The following COG5 variants were observed in gnomAD, a reference collection of about 807,000 sequenced individuals.
The protein encoded by COG5 is conserved oligomeric Golgi complex subunit 5.
In COG5, 86 loss-of-function variants were observed where a neutral mutation model predicts 110.4. The observed-to-expected ratio is 0.78, with a 90% CI of 0.65 to 0.93. The LOEUF is 0.93. Among genes scored for constraint, COG5 ranks in the 40% least tolerant of loss-of-function variants. The pLI is 0.00. For missense variants in COG5, 1,077 were observed against 987.0 expected (o/e 1.09, Z -1.22); for synonymous variants, 360 against 334.6 (o/e 1.08, Z -0.83).
intron 14 of COG5, among the ~76,000 whole-genome samples, chr7:107,274,479 C>T (rs1016017409): frequency 4.6e-5 from 7 of 152,016 alleles, no homozygotes; most frequent in South Asian, 4.1e-4. Context: ...GTGAGACTTA[C>T]GGGAATATTT....
intron 12 of COG5, among the ~76,000 whole-genome samples, chr7:107,297,443 C>A (rs994310442): frequency 1.3e-5 from 1 of 77,988 alleles, no homozygotes; most frequent in South Asian, 5.1e-4. Context: ...TACATTCTGC[C>A]TTTTTTTTTT....
chr7:107,386,294 C>T (rs920878588), intron 7 of COG5, among the ~76,000 whole-genome samples: 2 of 150,764 alleles, frequency 1.3e-5, no homozygotes, highest in Non-Finnish European at 1.5e-5. Context: ...GAGTCGGGGC[C>T]GGGGTTGCAA....
At chr7:107,383,266 C>T (rs1584755077) in intron 7 of COG5, among the ~76,000 whole-genome samples, 1 of 152,252 alleles carries the variant, frequency 6.6e-6, no homozygotes, top group East Asian at 1.9e-4. Context: ...CTCCGAGACA[C>T]ATTTTTGTCC....
At chr7:107,558,552 C>G (rs982611160) in intron 1 of COG5, among the ~76,000 whole-genome samples, 1 of 148,590 alleles carries the variant, frequency 6.7e-6, no homozygotes, top group Non-Finnish European at 1.5e-5. Context: ...TGCAGTGAGC[C>G]GAGATCGTGC....
chr7:107,390,601 G>A (rs904416227), intron 7 of COG5, among the ~76,000 whole-genome samples: 17 of 151,548 alleles, frequency 1.1e-4, no homozygotes, highest in Admixed American at 6.6e-5. Context: ...TAAAATTTTA[G>A]AATCTGTTCA....
At chr7:107,369,923 T>C (rs1813976660) in intron 8 of COG5, among the ~76,000 whole-genome samples, 1 of 152,140 alleles carries the variant, frequency 6.6e-6, no homozygotes. Flanking sequence ...TAATAACTAG[T>C]TCATCCTCCA....
At chr7:107,238,156 C>T (rs1801344712) in intron 17 of COG5, among the ~76,000 whole-genome samples, 1 of 152,116 alleles carries the variant, frequency 6.6e-6, no homozygotes, top group African/African-American at 2.4e-5. Flanking sequence ...TCTCTATTCC[C>T]TCCACCCCAT....
chr7:107,300,538 A>C (rs1807169085), intron 11 of COG5, among the ~76,000 whole-genome samples: 1 of 152,196 alleles, frequency 6.6e-6, no homozygotes, highest in Non-Finnish European at 1.5e-5. Context: ...CTAGCAATGA[A>C]CAATCAGAAG....
chr7:107,295,094 TATATATA>T lies in COG5; in HGVS notation c.1313+3041_1313+3047del, dbSNP rs1224168960. On this transcript the variant is annotated intron_variant, in intron 12 of 21. Coordinates refer to ENST00000297135, the MANE Select transcript of COG5 (RefSeq NM_006348.5). ...ATATATATATATATATATATATATA[TATATATA>T]TTTTTTTTTTTTTTTTGTAGAGTCA... Among the ~76,000 whole-genome samples the T allele has an allele frequency of 2.6e-3, 202 of 77,440 alleles. 3 individuals are homozygous for T. Among genetic ancestry groups the T allele is most frequent in the African/African-American group, 9.2e-3 (183 of 19,878 alleles). The allele number at this position is 77,440 out of a possible 152,430, so 50.8% of individuals were successfully genotyped here. A position where few individuals can be genotyped will look rare whatever the true frequency, so the allele number is the denominator to read the frequency against.
At chr7:107,409,784 G>A (rs1015602907) in intron 7 of COG5, among the ~76,000 whole-genome samples, 1 of 152,160 alleles carries the variant, frequency 6.6e-6, no homozygotes, top group Non-Finnish European at 1.5e-5. Context: ...TTTGCATGAA[G>A]TCAAAAACAT....
intron 10 of COG5, among the ~76,000 whole-genome samples, chr7:107,351,024 TAG>T (rs765123604): frequency 5.3e-5 from 8 of 152,182 alleles, no homozygotes; most frequent in Non-Finnish European, 1.0e-4. Flanking sequence ...CTAATTTATG[TAG>T]AATTTGTATG....
intron 12 of COG5, among the ~76,000 whole-genome samples, chr7:107,285,129 C>T (rs774378012): frequency 2.0e-5 from 3 of 152,128 alleles, no homozygotes; most frequent in African/African-American, 7.2e-5. Flanking sequence ...TTGTAAAGTG[C>T]TGGGAAGATA....
At chr7:107,430,616 T>G (rs548144096) in intron 6 of COG5, among the ~76,000 whole-genome samples, 1 of 152,292 alleles carries the variant, frequency 6.6e-6, no homozygotes, top group Admixed American at 6.5e-5. Context: ...CAGTATGAAT[T>G]TTAGGATCAT....
intron 10 of COG5, among the ~76,000 whole-genome samples, chr7:107,355,283 G>T (rs1345861168): frequency 2.0e-5 from 3 of 152,140 alleles, no homozygotes; most frequent in Admixed American, 2.0e-4. Flanking sequence ...GCAAGGATGG[G>T]GAACAAAAGT....
At chr7:107,423,978 T>A (rs528291431) in intron 6 of COG5, among the ~76,000 whole-genome samples, 1 of 152,262 alleles carries the variant, frequency 6.6e-6, no homozygotes, top group Non-Finnish European at 1.5e-5. Context: ...CAAAGTAGAA[T>A]GTAGGTTAGT....
chr7:107,315,135 C>T (rs1180185268), intron 11 of COG5, among the ~76,000 whole-genome samples: 1 of 150,960 alleles, frequency 6.6e-6, no homozygotes, highest in Non-Finnish European at 1.5e-5. Flanking sequence ...ACAATATGAT[C>T]TCAACTTGCA....
At chr7:107,220,255 C>G (rs1282811257) in intron 19 of COG5, among the ~76,000 whole-genome samples, 1 of 152,154 alleles carries the variant, frequency 6.6e-6, no homozygotes. Flanking sequence ...ACAGAAAAAC[C>G]TATCTGAGAA....
intron 19 of COG5, among the ~76,000 whole-genome samples, chr7:107,220,480 C>G (rs1232845032): frequency 6.6e-6 from 1 of 152,232 alleles, no homozygotes; most frequent in East Asian, 1.9e-4. Context: ...GAAACTGACT[C>G]TGGGTTGGAA....
At chr7:107,485,528 CATAA>C (rs751735885) in intron 6 of COG5, among the ~76,000 whole-genome samples, 14 of 152,126 alleles carry the variant, frequency 9.2e-5, no homozygotes, top group Non-Finnish European at 1.3e-4. Flanking sequence ...TCTCAAACTA[CATAA>C]ATGTTTCTAA....
Sources: allele counts gnomAD v4.1 joint callset (sites outside exome capture counted in the v4.1 genomes callset), GRCh38; gene constraint gnomAD v4.1.1; transcripts MANE v1.5; gene names NCBI Gene and HGNC (gene_info 2026-07-23, HGNC 2026-07-21).